RASAL1: variants seen among roughly 807,000 people sequenced by gnomAD.
The protein encoded by RASAL1 is rasGAP-activating-like protein 1.
RASAL1 carries 72 observed loss-of-function variants against 96.6 expected under a neutral mutation model. The observed-to-expected ratio is 0.75, with a 90% CI of 0.62 to 0.91. RASAL1 has a LOEUF of 0.91. Among genes scored for constraint, RASAL1 ranks in the 40% least tolerant of loss-of-function variants. The pLI is 0.00. For synonymous variants in RASAL1, 405 were observed against 430.4 expected (o/e 0.94, Z 0.73); for missense variants, 1,016 against 1,072.5 (o/e 0.95, Z 0.74).
In RASAL1 at chr12:113,127,831, C is replaced by G; in HGVS notation, c.279G>C (p.Ala93=). ...IIGKISLSRE[A]ITADPRGIDS... ...GCCCACCTCGGGGGTCGGCTGTAATCGCCTCCCTGCTCAGCGAGATCTTGC... is the reference window on the plus strand; with the variant it reads ...GCCCACCTCGGGGGTCGGCTGTAATGGCCTCCCTGCTCAGCGAGATCTTGC... Residue 93 remains alanine, a synonymous_variant, in exon 4 of 21, where the codon GCG becomes GCC. Transcript: ENST00000548055. 6.2e-7 allele frequency: 1 copy of G among 1,612,692 alleles called. No homozygotes were observed. The highest frequency in any genetic ancestry group is 1.1e-5 in the South Asian group (1 of 91,046).
At chr12:113,105,567 T>C (rs1470389128) in intron 16 of RASAL1, 147 bp downstream of exon 16, 2 of 853,246 alleles carry the variant, frequency 2.3e-6, no homozygotes, top group Admixed American at 5.6e-5. Flanking sequence ...GAGCAGAGCC[T>C]GTCCTGAGAG....
In RASAL1 at chr12:113,135,278, A is replaced by C; in HGVS notation, c.65+120T>G. On this transcript the variant is annotated intron_variant, in intron 1 of 20. Coordinates refer to ENST00000548055, the MANE Select transcript of RASAL1 (RefSeq NM_001301202.2). This position sits in a 1 kb window ranked among gnomAD's most constrained non-coding sequence, Gnocchi z 5.7. ...TTTAAAGCGGAACTGCCCCAAGACC[A>C]GTCTTGGACAAGAACCCCTCGCCCT... 2 of 890,468 alleles carry C rather than the reference A, an allele frequency of 2.2e-6. No individual in the cohort carries two copies. Among genetic ancestry groups the C allele is most frequent in the Non-Finnish European group, 3.4e-6 (2 of 580,292 alleles). 55.2% of individuals were successfully genotyped at this position (890,468 alleles called of 1,614,324 possible). A position where few individuals can be genotyped will look rare whatever the true frequency, so the allele number is the denominator to read the frequency against.
intron 18 of RASAL1, 103 bp downstream of exon 18, chr12:113,103,843 G>T: frequency 6.9e-7 from 1 of 1,455,266 alleles, no homozygotes; most frequent in South Asian, 1.2e-5. Context: ...TAGAGAGGTT[G>T]AGTAACTTGC....
Position 113,114,489 on chromosome 12 carries a change from A to G in RASAL1, c.1181+311T>C, listed in dbSNP as rs1444740662. Among the ~76,000 whole-genome samples, 7 of 144,776 alleles carry G rather than the reference A, an allele frequency of 4.8e-5. No homozygotes were observed. The East Asian group carries it at 1.0e-3, about 21-fold the overall frequency. The allele number at this position is 144,776 out of a possible 152,430, so 95.0% of individuals were successfully genotyped here. A position where few individuals can be genotyped will look rare whatever the true frequency, so the allele number is the denominator to read the frequency against. Reference sequence around the variant, plus strand: ...ACCTTGTCTCAAAAAAAAAAAAAAAAGAAAAAAAGGAAAAGAAAAGAAGCA... The same window carrying G: ...ACCTTGTCTCAAAAAAAAAAAAAAAGGAAAAAAAGGAAAAGAAAAGAAGCA... On this transcript the variant is annotated intron_variant, in intron 12 of 20. Transcript: ENST00000548055.
At chr12:113,123,508 C>G (rs922599716) in intron 4 of RASAL1, among the ~76,000 whole-genome samples, 4 of 151,928 alleles carry the variant, frequency 2.6e-5, no homozygotes, top group African/African-American at 9.7e-5. Flanking sequence ...AGAATTGATA[C>G]TGACGTCTGC....
chr12:113,135,694 G>T lies in RASAL1; in HGVS notation c.-232C>A, dbSNP rs1951889054. 4.8e-6 allele frequency: 2 copies of T among 412,684 alleles called. No homozygotes were observed. Among genetic ancestry groups the T allele is most frequent in the South Asian group, 6.5e-5 (2 of 30,880 alleles). 25.6% of individuals were successfully genotyped at this position (412,684 alleles called of 1,614,324 possible). On this transcript the variant is annotated 5_prime_UTR_variant, in exon 1 of 21. Coordinates refer to ENST00000548055, the MANE Select transcript of RASAL1 (RefSeq NM_001301202.2). The surrounding 1 kb of genome is among the most constrained non-coding windows in gnomAD (Gnocchi z 5.7). ...CAGGTAGGAGCCGTGCTCCGAGCAG[G>T]AGGAGCGCGCAGGGGGCGCAGCGGG...
At chr12:113,108,000 G>C in intron 14 of RASAL1, 85 bp downstream of exon 14, 19 of 1,459,478 alleles carry the variant, frequency 1.3e-5, no homozygotes, top group Non-Finnish European at 1.7e-5. Context: ...TGGGTCTTCT[G>C]TGGGTCTGGC....
rs758151869 is a variant in RASAL1 at position 113,105,894 on chromosome 12, A to G, written c.1658-8T>C. 6.2e-7 allele frequency: 1 copy of G among 1,610,758 alleles called. No homozygotes were observed. The highest frequency in any genetic ancestry group is 8.5e-7 in the Non-Finnish European group (1 of 1,178,376). ...TGGCTGGGACACCAGCTTCTAGGAG[A>G]TGGGAGAAGAGAGCGGTGGACAGTG... is the stretch of plus-strand genomic sequence containing the variant. On this transcript the variant is annotated splice_region_variant and splice_polypyrimidine_tract_variant and intron_variant, in intron 15 of 20. Coordinates refer to ENST00000548055, the MANE Select transcript of RASAL1 (RefSeq NM_001301202.2).
At chr12:113,124,986 G>C (rs1456179227) in intron 4 of RASAL1, among the ~76,000 whole-genome samples, 1 of 152,010 alleles carries the variant, frequency 6.6e-6, no homozygotes, top group Non-Finnish European at 1.5e-5. Context: ...AAATGGCCAG[G>C]CATGGTGGCT....
intron 13 of RASAL1, 139 bp downstream of exon 13, chr12:113,111,947 C>T: frequency 4.1e-6 from 3 of 738,164 alleles, no homozygotes; most frequent in East Asian, 3.4e-5. Context: ...CTGCCAGGAA[C>T]GCTGTCCCCA....
At position 113,115,573 on chromosome 12, in the gene RASAL1, A is replaced by G. The variant is rs538588122; in HGVS notation, c.1003+62T>C. On this transcript the variant is annotated intron_variant, in intron 10 of 20. Coordinates refer to ENST00000548055, the MANE Select transcript of RASAL1 (RefSeq NM_001301202.2). This position sits in a 1 kb window ranked among gnomAD's most constrained non-coding sequence, Gnocchi z 4.1. ...CCTGAGGCCTCCCCATTCCTCCCCC[A>G]GGACCCTCCTGCAAGCCCACCATTG... 9.5e-6 allele frequency: 15 copies of G among 1,580,826 alleles called. No homozygotes were observed. The highest frequency in any genetic ancestry group is 1.2e-5 in the Non-Finnish European group (14 of 1,162,844).
chr12:113,115,565 C>A lies in RASAL1; in HGVS notation c.1003+70G>T. 1 of 1,558,684 alleles carries A rather than the reference C, an allele frequency of 6.4e-7. No homozygotes were observed. Among genetic ancestry groups the A allele is most frequent in the South Asian group, 1.2e-5 (1 of 82,760 alleles). ...TCCCTCTGCCTGAGGCCTCCCCATT[C>A]CTCCCCCAGGACCCTCCTGCAAGCC... On this transcript the variant is annotated intron_variant, in intron 10 of 20. Coordinates refer to ENST00000548055, the MANE Select transcript of RASAL1 (RefSeq NM_001301202.2). The surrounding 1 kb of genome is among the most constrained non-coding windows in gnomAD (Gnocchi z 4.1).
At chr12:113,116,358 TAA>T (rs879900430) in intron 8 of RASAL1, among the ~76,000 whole-genome samples, 2 of 143,004 alleles carry the variant, frequency 1.4e-5, no homozygotes. Flanking sequence ...ATACTCTGTC[TAA>T]AAAAAAAAAG....
rs1368907030 is a variant in RASAL1 at position 113,130,149 on chromosome 12, C to T, written c.122+736G>A. Among the ~76,000 whole-genome samples, 1 of 152,134 alleles carries T rather than the reference C, an allele frequency of 6.6e-6. No homozygotes were observed. The highest frequency in any genetic ancestry group is 2.4e-5 in the African/African-American group (1 of 41,418). ...AAGGCCTCAGCCACCCACCAGCCCA[C>T]CCACCCCCATCAGGCCTCCAGGGGC... On this transcript the variant is annotated intron_variant, in intron 2 of 20. Transcript: ENST00000548055. The surrounding 1 kb of genome is among the most constrained non-coding windows in gnomAD (Gnocchi z 5.1).
intron 4 of RASAL1, 128 bp downstream of exon 4, chr12:113,127,684 G>C: frequency 2.5e-6 from 2 of 789,706 alleles, no homozygotes. Flanking sequence ...AAAAAGTAAA[G>C]ACAAAAGCAA....
intron 18 of RASAL1, 25 bp downstream of exon 18, chr12:113,103,921 C>T (rs1317910396): frequency 5.8e-6 from 9 of 1,545,270 alleles, no homozygotes; most frequent in Admixed American, 2.0e-5. Context: ...GAGGGCGGAG[C>T]CTGCAGTCCG....
chr12:113,128,245 G>GACACACACACACAC lies in RASAL1; in HGVS notation c.123-81_123-68dup, dbSNP rs4007310. 1.2e-5 allele frequency: 7 copies of GACACACACACACAC among 566,736 alleles called. No homozygotes were observed. In the East Asian group the frequency reaches 1.2e-4, roughly 10 times the overall value. The allele number at this position is 566,736 out of a possible 1,614,324, so 35.1% of individuals were successfully genotyped here. On this transcript the variant is annotated intron_variant, in intron 2 of 20. Coordinates refer to ENST00000548055, the MANE Select transcript of RASAL1 (RefSeq NM_001301202.2). ...CAGGAGGCAGACACCTGGAGACCCA[G>GACACACACACACAC]ACACACACACACACACACACACACA...
Position 113,115,954 on chromosome 12 carries a change from ACTCCATGAGCAG to A in RASAL1, c.817_828del (p.Leu273_Glu276del). On this transcript the variant is annotated inframe_deletion, in exon 9 of 21. Coordinates refer to ENST00000548055, the MANE Select transcript of RASAL1 (RefSeq NM_001301202.2). The surrounding 1 kb of genome is among the most constrained non-coding windows in gnomAD (Gnocchi z 4.1). ...CCCACCTCTGCTGGCCCCTGCACAG[ACTCCATGAGCAG>A]CTCCATGAGAGGCTGGTAGCACTGG... 1 of 1,604,592 alleles carries A rather than the reference ACTCCATGAGCAG, an allele frequency of 6.2e-7. No individual in the cohort carries two copies. The highest frequency in any genetic ancestry group is 8.5e-7 in the Non-Finnish European group (1 of 1,174,774).
In RASAL1 at chr12:113,112,283, AGGGGCCGGCGGAGCAGCTCAGCCTC is replaced by A; in HGVS notation, c.1182-30_1182-6del. On this transcript the variant is annotated splice_region_variant and splice_polypyrimidine_tract_variant and intron_variant, in intron 12 of 20. Coordinates refer to ENST00000548055, the MANE Select transcript of RASAL1 (RefSeq NM_001301202.2). ...GCGCCTTTGAAGGAGATCCTCCTGGAGGGGCCGGCGGAGCAGCTCAGCCTCGGGGCACAACATCTGCCTGCTCCAA... is the reference window on the plus strand; with the variant it reads ...GCGCCTTTGAAGGAGATCCTCCTGGAGGGGCACAACATCTGCCTGCTCCAA... 1 of 1,255,626 alleles carries A rather than the reference AGGGGCCGGCGGAGCAGCTCAGCCTC, an allele frequency of 8.0e-7. No homozygotes were observed. Among genetic ancestry groups the A allele is most frequent in the Non-Finnish European group, 1.0e-6 (1 of 991,800 alleles). 77.8% of individuals were successfully genotyped at this position (1,255,626 alleles called of 1,614,324 possible).
Sources: allele counts gnomAD v4.1 joint callset (sites outside exome capture counted in the v4.1 genomes callset), GRCh38; gene constraint gnomAD v4.1.1; non-coding constraint Gnocchi (gnomAD v3.1); transcripts MANE v1.5; gene names NCBI Gene and HGNC (gene_info 2026-07-23, HGNC 2026-07-21).